PPP4R3B: variants seen among roughly 807,000 people sequenced by gnomAD.
PPP4R3B encodes the protein serine/threonine-protein phosphatase 4 regulatory subunit 3B.
A neutral mutation model predicts 95.4 loss-of-function variants in PPP4R3B; 52 were observed. The observed-to-expected ratio is 0.54, with a 90% CI of 0.44 to 0.69. The LOEUF (loss-of-function observed/expected upper bound fraction) is 0.69, where lower values mean the gene tolerates loss of function less well. PPP4R3B is among the 30% of genes least tolerant of loss of function. The pLI, the probability that PPP4R3B is intolerant of heterozygous loss-of-function variation, is 0.00. For missense variants in PPP4R3B, 1,003 were observed against 1,005.9 expected (o/e 1.00, Z 0.04); for synonymous variants, 407 against 343.9 (o/e 1.18, Z -2.03).
chr2:55,566,751 T>A (rs1055160005), intron 13 of PPP4R3B, among the ~76,000 whole-genome samples: 4 of 152,232 alleles, frequency 2.6e-5, no homozygotes, highest in African/African-American at 9.6e-5. Context: ...CTCACACCTG[T>A]AATCCAACAC....
At chr2:55,610,102 A>G (rs749799589) in intron 2 of PPP4R3B, among the ~76,000 whole-genome samples, 5 of 152,180 alleles carry the variant, frequency 3.3e-5, no homozygotes, top group Non-Finnish European at 7.4e-5. Context: ...AAACACTATC[A>G]GTGACCTTTG....
Position 55,549,806 on chromosome 2 carries a change from A to G in PPP4R3B, c.*105T>C. 1.2e-6 allele frequency: 1 copy of G among 863,030 alleles called. No individual in the cohort carries two copies. The highest frequency in any genetic ancestry group is 2.0e-5 in the Admixed American group (1 of 49,846). The allele number at this position is 863,030 out of a possible 1,614,324, so 53.5% of individuals were successfully genotyped here. On this transcript the variant is annotated 3_prime_UTR_variant, in exon 17 of 17. Transcript: ENST00000616407. ...TATACTGTCTTTTGCTACTCCTTGT[A>G]TATTTTATAAGTTCAATTGAGAAAG...
intron 3 of PPP4R3B, among the ~76,000 whole-genome samples, chr2:55,600,954 C>G (rs1692508576): frequency 6.6e-6 from 1 of 151,948 alleles, no homozygotes; most frequent in African/African-American, 2.4e-5. Flanking sequence ...CTCAGGAGTT[C>G]AAGACCAGCC....
intron 4 of PPP4R3B, among the ~76,000 whole-genome samples, chr2:55,597,041 A>C (rs1691883184): frequency 6.6e-6 from 1 of 152,236 alleles, no homozygotes; most frequent in African/African-American, 2.4e-5. Flanking sequence ...AATAGTGGTT[A>C]CTAAGAGCTG....
At chr2:55,572,149 T>G (rs1688088455) in intron 12 of PPP4R3B, among the ~76,000 whole-genome samples, 1 of 152,174 alleles carries the variant, frequency 6.6e-6, no homozygotes, top group Non-Finnish European at 1.5e-5. Flanking sequence ...TCACATGTGT[T>G]ACATACATAA....
At chr2:55,571,479 G>A (rs951931561) in intron 12 of PPP4R3B, among the ~76,000 whole-genome samples, 1 of 151,816 alleles carries the variant, frequency 6.6e-6, no homozygotes, top group African/African-American at 2.4e-5. Flanking sequence ...AAATGAACTG[G>A]ATACAACCAG....
At chr2:55,605,881 G>A (rs1412787744) in intron 2 of PPP4R3B, among the ~76,000 whole-genome samples, 1 of 146,972 alleles carries the variant, frequency 6.8e-6, no homozygotes, top group Non-Finnish European at 1.5e-5. Context: ...ACTCCAGCCT[G>A]GCAACAGTGC....
chr2:55,594,245 C>T (rs1385541857), intron 4 of PPP4R3B, among the ~76,000 whole-genome samples: 4 of 151,278 alleles, frequency 2.6e-5, no homozygotes, highest in Non-Finnish European at 5.9e-5. Context: ...CAATCTCCAC[C>T]ATTACTCATG....
At chr2:55,553,458 A>T (rs1685483957) in intron 16 of PPP4R3B, among the ~76,000 whole-genome samples, 1 of 152,196 alleles carries the variant, frequency 6.6e-6, no homozygotes, top group African/African-American at 2.4e-5. Context: ...TAAAGTGTAT[A>T]ATTTTCACAC....
intron 2 of PPP4R3B, among the ~76,000 whole-genome samples, chr2:55,612,310 TCTAGA>T (rs934131077): frequency 2.6e-5 from 4 of 152,216 alleles, no homozygotes; most frequent in African/African-American, 7.2e-5. Context: ...TTAATAACTT[TCTAGA>T]CTAATTTATT....
At position 55,549,985 on chromosome 2, in the gene PPP4R3B, C is replaced by T; in HGVS notation, c.2476G>A (p.Asp826Asn). The change falls in exon 17 of 17, where the codon GAT (aspartate) becomes AAT (asparagine). Residue 826 changes from aspartate (D) to asparagine (N), a missense_variant. Coordinates refer to ENST00000616407, the MANE Select transcript of PPP4R3B (RefSeq NM_001122964.3). ...TCTTCCTCTTCATCATCTGGATAAT[C>T]CACTAAGCCAACCAAACTTCCCTAT... is the stretch of plus-strand genomic sequence containing the variant. ...ATKGSLVGLV[D>N]YPDDEEEDEE... is the part of the protein sequence containing the mutation. 1 of 1,608,422 alleles carries T rather than the reference C, an allele frequency of 6.2e-7. No homozygotes were observed. The highest frequency in any genetic ancestry group is 8.5e-7 in the Non-Finnish European group (1 of 1,178,782).
At chr2:55,571,367 C>T (rs1687976188) in intron 12 of PPP4R3B, among the ~76,000 whole-genome samples, 1 of 152,040 alleles carries the variant, frequency 6.6e-6, no homozygotes, top group African/African-American at 2.4e-5. Context: ...AAGTATTCTG[C>T]AGTCATCGAA....
In PPP4R3B at chr2:55,573,596, T is replaced by A. The variant is rs751533492; in HGVS notation, c.1765+23A>T. ...GTTTTATCTCTATTAAAAATGTTGC[T>A]CCTTAAAACATTTTATACTTACACA... On this transcript the variant is annotated intron_variant, in intron 12 of 16. Coordinates refer to ENST00000616407, the MANE Select transcript of PPP4R3B (RefSeq NM_001122964.3). 5.3e-6 allele frequency: 8 copies of A among 1,517,668 alleles called. No individual in the cohort carries two copies. The South Asian group carries it at 9.1e-5, about 17-fold the overall frequency. The allele number at this position is 1,517,668 out of a possible 1,614,324, so 94.0% of individuals were successfully genotyped here.
chr2:55,582,807 A>C (rs57298935), intron 7 of PPP4R3B, among the ~76,000 whole-genome samples: 4,528 of 152,274 alleles, frequency 0.03, 228 homozygotes, highest in African/African-American at 0.1. Flanking sequence ...AGATTTTATT[A>C]TTAAATGAGA....
At chr2:55,553,602 C>T (rs1685498531) in intron 16 of PPP4R3B, among the ~76,000 whole-genome samples, 1 of 152,024 alleles carries the variant, frequency 6.6e-6, no homozygotes, top group Non-Finnish European at 1.5e-5. Flanking sequence ...AGTCCTCATT[C>T]CCCCACCACC....
At chr2:55,579,407 C>CTT (rs5831371) in intron 9 of PPP4R3B, among the ~76,000 whole-genome samples, 3 of 151,820 alleles carry the variant, frequency 2.0e-5, no homozygotes, top group Admixed American at 6.6e-5. Context: ...GCCACATTTT[C>CTT]TTTTTTTTCT....
At position 55,561,731 on chromosome 2, in the gene PPP4R3B, T is replaced by C. The variant is rs1004790758; in HGVS notation, c.2260+2582A>G. Among the ~76,000 whole-genome samples the C allele has an allele frequency of 2.6e-5, 4 of 152,396 alleles. No homozygotes were observed. In the East Asian group the frequency reaches 7.7e-4, roughly 29 times the overall value. The stretch of plus-strand genomic sequence containing the variant: ...CCCAGGGCCTGTAGCCCCTTTGTTT[T>C]GGCCAATTTCTTCCATTTGGAATGG... On this transcript the variant is annotated intron_variant, in intron 15 of 16. Coordinates refer to ENST00000616407, the MANE Select transcript of PPP4R3B (RefSeq NM_001122964.3).
At chr2:55,589,079 T>C (rs781125702) in intron 4 of PPP4R3B, 123 bp from the exon 5 acceptor site, 3 of 613,704 alleles carry the variant, frequency 4.9e-6, no homozygotes, top group Middle Eastern at 4.5e-4. Context: ...AAACCTAATA[T>C]TCTGGGGTGT....
chr2:55,610,023 A>C (rs1243828475), intron 2 of PPP4R3B, among the ~76,000 whole-genome samples: 2 of 152,178 alleles, frequency 1.3e-5, no homozygotes, highest in African/African-American at 4.8e-5. Flanking sequence ...CTCAAACCAA[A>C]AGATTAATGT....
Sources: allele counts gnomAD v4.1 joint callset (sites outside exome capture counted in the v4.1 genomes callset), GRCh38; gene constraint gnomAD v4.1.1; transcripts MANE v1.5; gene names NCBI Gene and HGNC (gene_info 2026-07-23, HGNC 2026-07-21).